Variants in RBMS3 observed in about 807,000 individuals in gnomAD.
RBMS3 encodes the protein RNA-binding motif, single-stranded-interacting protein 3.
RBMS3 carries 27 observed loss-of-function variants against 66.8 expected under a neutral mutation model. The ratio of observed to expected loss-of-function variants is 0.40; its 90% CI spans 0.30 to 0.56. RBMS3 has a LOEUF of 0.56. RBMS3 is among the 20% of genes least tolerant of loss of function. The pLI, the probability that RBMS3 is intolerant of heterozygous loss-of-function variation, is 0.40. For synonymous variants in RBMS3, 188 were observed against 183.0 expected (o/e 1.03, Z -0.22); for missense variants, 513 against 549.5 (o/e 0.93, Z 0.66).
intron 12 of RBMS3, among the ~76,000 whole-genome samples, chr3:29,945,425 G>T (rs960574249): frequency 6.6e-6 from 1 of 151,614 alleles, no homozygotes; most frequent in South Asian, 2.1e-4. Context: ...GCATTTGGCC[G>T]CGAAGTCATT....
At chr3:29,288,847 A>G (rs1392046175) in intron 1 of RBMS3, among the ~76,000 whole-genome samples, 2 of 151,984 alleles carry the variant, frequency 1.3e-5, no homozygotes, top group Non-Finnish European at 2.9e-5. Context: ...TACCTCAGCT[A>G]TACTGTAGTA....
At chr3:29,609,747 T>G (rs1239289531) in intron 4 of RBMS3, among the ~76,000 whole-genome samples, 1 of 151,958 alleles carries the variant, frequency 6.6e-6, no homozygotes, top group Non-Finnish European at 1.5e-5. Context: ...GTAGAAGGAA[T>G]TCTTCCCTTT....
intron 12 of RBMS3, among the ~76,000 whole-genome samples, chr3:29,954,354 C>G (rs1695883764): frequency 6.6e-6 from 1 of 151,948 alleles, no homozygotes; most frequent in Non-Finnish European, 1.5e-5. Flanking sequence ...ACTTCTTGTT[C>G]ACAATTTCAA....
At chr3:29,503,908 AGCTAT>A (rs1576036034) in intron 3 of RBMS3, among the ~76,000 whole-genome samples, 1 of 152,084 alleles carries the variant, frequency 6.6e-6, no homozygotes, top group East Asian at 1.9e-4. Flanking sequence ...TTTGGGGAGA[AGCTAT>A]GGGGAAAAAA....
intron 6 of RBMS3, among the ~76,000 whole-genome samples, chr3:29,832,539 G>T (rs540563680): frequency 2.0e-5 from 3 of 152,052 alleles, no homozygotes; most frequent in Non-Finnish European, 4.4e-5. Context: ...CCCCTTTACC[G>T]GGCATAGCTC....
rs556248455 is a variant in RBMS3 at position 29,385,967 on chromosome 3, T to G, written c.76-48776T>G. ...CTCATTTTCCTCATGTCCCAGCATC[T>G]CTTTATACTCTGCTTAGATTTCGTG... On this transcript the variant is annotated intron_variant, in intron 1 of 14. Coordinates refer to ENST00000383767, the MANE Select transcript of RBMS3 (RefSeq NM_001003793.3). 3.3e-5 allele frequency among the ~76,000 whole-genome samples: 5 copies of G among 152,338 alleles called. No homozygotes were observed. In the South Asian group the frequency reaches 1.0e-3, roughly 32 times the overall value.
intron 6 of RBMS3, among the ~76,000 whole-genome samples, chr3:29,774,792 C>T (rs889936321): frequency 1.3e-5 from 2 of 151,874 alleles, no homozygotes; most frequent in African/African-American, 4.8e-5. Flanking sequence ...TTTTATTAAG[C>T]CAGAAATTAC....
intron 6 of RBMS3, among the ~76,000 whole-genome samples, chr3:29,801,341 C>T (rs1037386678): frequency 8.9e-5 from 13 of 145,382 alleles, no homozygotes; most frequent in African/African-American, 3.4e-4. Context: ...GATCTCTGCT[C>T]ACTGCAACCT....
chr3:29,389,299 C>A (rs1434684644), intron 1 of RBMS3, among the ~76,000 whole-genome samples: 1 of 152,092 alleles, frequency 6.6e-6, no homozygotes, highest in Non-Finnish European at 1.5e-5. Flanking sequence ...GTGATCTCAA[C>A]CTCTGATAAG....
chr3:29,645,265 A>G (rs1240280887), intron 4 of RBMS3, among the ~76,000 whole-genome samples: 1 of 152,142 alleles, frequency 6.6e-6, no homozygotes, highest in African/African-American at 2.4e-5. Context: ...ATCTTGAATT[A>G]CTCGAGTGAT....
chr3:29,457,898 C>T (rs980821737), intron 2 of RBMS3, among the ~76,000 whole-genome samples: 2 of 150,672 alleles, frequency 1.3e-5, no homozygotes, highest in East Asian at 2.0e-4. Context: ...CTTTTGCCTA[C>T]AGGCTTTTAT....
At chr3:29,393,980 T>G (rs1347726680) in intron 1 of RBMS3, among the ~76,000 whole-genome samples, 1 of 152,196 alleles carries the variant, frequency 6.6e-6, no homozygotes, top group Non-Finnish European at 1.5e-5. Context: ...CCACTGGGCA[T>G]GCATTGTCAT....
At chr3:29,310,838 C>T (rs968160096) in intron 1 of RBMS3, among the ~76,000 whole-genome samples, 2 of 151,702 alleles carry the variant, frequency 1.3e-5, no homozygotes, top group Non-Finnish European at 3.0e-5. Context: ...ATGGCTCTGA[C>T]GTTCATCTGT....
intron 2 of RBMS3, among the ~76,000 whole-genome samples, chr3:29,454,700 G>A (rs1203707256): frequency 6.6e-6 from 1 of 152,084 alleles, no homozygotes; most frequent in African/African-American, 2.4e-5. Context: ...ATTCTGCCAT[G>A]GTAAAAATTT....
intron 1 of RBMS3, among the ~76,000 whole-genome samples, chr3:29,415,555 G>T (rs373615635): frequency 4.5e-4 from 68 of 152,096 alleles, no homozygotes; most frequent in African/African-American, 6.5e-4. Flanking sequence ...AATTTTTGTT[G>T]GGGGAAGATA....
chr3:29,944,789 C>T (rs909724497), intron 12 of RBMS3, among the ~76,000 whole-genome samples: 18 of 151,630 alleles, frequency 1.2e-4, no homozygotes, highest in South Asian at 2.1e-4. Flanking sequence ...GTTCCCAAAA[C>T]GATTCTTTTG....
chr3:29,565,455 C>T (rs1013918694), intron 3 of RBMS3, among the ~76,000 whole-genome samples: 1 of 152,146 alleles, frequency 6.6e-6, no homozygotes, highest in African/African-American at 2.4e-5. Context: ...TCTTTGTGAG[C>T]ACCCTTGATC....
intron 6 of RBMS3, among the ~76,000 whole-genome samples, chr3:29,859,973 G>A (rs901850531): frequency 3.3e-5 from 5 of 152,134 alleles, no homozygotes; most frequent in African/African-American, 9.7e-5. Flanking sequence ...GAAAGTGGAC[G>A]TTTCCTAACA....
In RBMS3 at chr3:29,376,945, C is replaced by T. The variant is rs573380129; in HGVS notation, c.76-57798C>T. ...AACAACAAAATACAAAAAAATTAGC[C>T]GGACGTGGTGGCGGATGCCTGTAAT... On this transcript the variant is annotated intron_variant, in intron 1 of 14. Coordinates refer to ENST00000383767, the MANE Select transcript of RBMS3 (RefSeq NM_001003793.3). Among the ~76,000 whole-genome samples, 77 of 151,894 alleles carry T rather than the reference C, an allele frequency of 5.1e-4. 2 individuals are homozygous for T. In the South Asian group the frequency reaches 0.013, roughly 26 times the overall value.
Sources: allele counts gnomAD v4.1 joint callset (sites outside exome capture counted in the v4.1 genomes callset), GRCh38; gene constraint gnomAD v4.1.1; transcripts MANE v1.5; gene names NCBI Gene and HGNC (gene_info 2026-07-23, HGNC 2026-07-21).